ALG8: variants seen among roughly 807,000 people sequenced by gnomAD.
ALG8 encodes dolichyl pyrophosphate Glc1Man9GlcNAc2 alpha-1,3-glucosyltransferase.
Under a neutral mutation model 70.2 loss-of-function variants are expected in ALG8, and 48 were observed. That is an observed-to-expected ratio of 0.68 (90% CI 0.54 to 0.87). The LOEUF (loss-of-function observed/expected upper bound fraction) is 0.87, where lower values mean the gene tolerates loss of function less well. ALG8 is among the 40% of genes least tolerant of loss of function. The pLI is 0.00. For missense variants in ALG8, 572 were observed against 608.7 expected, an observed-to-expected ratio of 0.94 and a Z score of 0.64; for synonymous variants, 234 against 229.0, an observed-to-expected ratio of 1.02 and a Z score of -0.20.
At chr11:78,132,976 A>G (rs1861371576) in intron 1 of ALG8, among the ~76,000 whole-genome samples, 1 of 151,552 alleles carries the variant, frequency 6.6e-6, no homozygotes, top group African/African-American at 2.4e-5. Context: ...AGCTGGGACT[A>G]CACGCGCCCA....
rs1165726785 is a variant in ALG8 at position 78,123,935 on chromosome 11, T to C, written c.368+86A>G. 9 of 1,443,034 alleles carry C rather than the reference T, an allele frequency of 6.2e-6. No individual in the cohort carries two copies. The East Asian group carries it at 2.0e-4, about 33-fold the overall frequency. 89.4% of individuals were successfully genotyped at this position (1,443,034 alleles called of 1,614,324 possible). On this transcript the variant is annotated intron_variant, in intron 3 of 12. Transcript: ENST00000299626. ...TTTGCTATCATATAAACTTTGTTCCTCCTAAATTGGGAGTAAGTTAATACT... is the reference window on the plus strand; with the variant it reads ...TTTGCTATCATATAAACTTTGTTCCCCCTAAATTGGGAGTAAGTTAATACT...
At chr11:78,112,815 T>C (rs1487423469) in intron 7 of ALG8, 45 bp from the exon 8 acceptor site, 1 of 1,604,514 alleles carries the variant, frequency 6.2e-7, no homozygotes, top group South Asian at 1.1e-5. Context: ...CATCAATCTT[T>C]TTCAAATTCA....
intron 2 of ALG8, among the ~76,000 whole-genome samples, chr11:78,126,707 C>G (rs1397667812): frequency 6.6e-6 from 1 of 152,060 alleles, no homozygotes; most frequent in Admixed American, 6.6e-5. Flanking sequence ...TAATTCACTC[C>G]AAATCCTCAT....
At chr11:78,115,430 C>A (rs1446225632) in intron 5 of ALG8, among the ~76,000 whole-genome samples, 1 of 150,824 alleles carries the variant, frequency 6.6e-6, no homozygotes, top group Admixed American at 6.6e-5. Flanking sequence ...GTTGCCCAGG[C>A]TGGAGTGCAA....
At chr11:78,113,056 C>T (rs547213870) in intron 7 of ALG8, among the ~76,000 whole-genome samples, 15 of 152,268 alleles carry the variant, frequency 9.9e-5, no homozygotes, top group African/African-American at 3.6e-4. Flanking sequence ...ACACAGACTG[C>T]AGCTTATCCA....
At chr11:78,138,974 C>T in intron 1 of ALG8, 2 of 345,826 alleles carry the variant, frequency 5.8e-6, no homozygotes, top group Non-Finnish European at 1.1e-5. Flanking sequence ...CTTTCCACAT[C>T]ACTTATTCTT....
intron 5 of ALG8, among the ~76,000 whole-genome samples, chr11:78,116,547 G>C (rs144629462): frequency 6.6e-6 from 1 of 151,978 alleles, no homozygotes; most frequent in East Asian, 1.9e-4. Flanking sequence ...GCGAAACCCC[G>C]TCTCTAGTAA....
chr11:78,123,258 G>A (rs564614515), intron 3 of ALG8, among the ~76,000 whole-genome samples: 5 of 143,050 alleles, frequency 3.5e-5, no homozygotes, highest in Admixed American at 1.5e-4. Context: ...AGCCGAGATC[G>A]CGCCACAATA....
chr11:78,112,580 T>G lies in ALG8; in HGVS notation c.898+70A>C, dbSNP rs768507752. ...CAGCCACATTCAAAACACAAAGGTT[T>G]TTCCATTTCTCCATGTGCCTAAGTC... is the stretch of plus-strand genomic sequence containing the variant. On this transcript the variant is annotated intron_variant, in intron 8 of 12. Transcript: ENST00000299626. 3.1e-6 allele frequency: 5 copies of G among 1,600,136 alleles called. No homozygotes were observed. In the South Asian group the frequency reaches 5.5e-5, roughly 18 times the overall value.
intron 1 of ALG8, among the ~76,000 whole-genome samples, chr11:78,129,530 T>C (rs1861216818): frequency 6.6e-6 from 1 of 152,316 alleles, no homozygotes; most frequent in African/African-American, 2.4e-5. Context: ...TTTCACACAA[T>C]GGAATACTGT....
chr11:78,107,159 T>G (rs975666994), intron 9 of ALG8, among the ~76,000 whole-genome samples: 5 of 148,064 alleles, frequency 3.4e-5, no homozygotes, highest in Non-Finnish European at 7.4e-5. Context: ...GATGTGTATA[T>G]ATATATTTTT....
intron 10 of ALG8, among the ~76,000 whole-genome samples, chr11:78,106,200 T>C (rs1860023069): frequency 6.6e-6 from 1 of 152,156 alleles, no homozygotes; most frequent in South Asian, 2.1e-4. Context: ...CCAAGTTTTT[T>C]CTTTTTTTCA....
chr11:78,123,630 C>T (rs889200140), intron 3 of ALG8, among the ~76,000 whole-genome samples: 9 of 152,254 alleles, frequency 5.9e-5, no homozygotes, highest in African/African-American at 2.2e-4. Flanking sequence ...TACGTGTGCG[C>T]TACTGTGCAT....
intron 8 of ALG8, among the ~76,000 whole-genome samples, chr11:78,111,964 G>A (rs1331055687): frequency 7.9e-5 from 12 of 151,990 alleles, no homozygotes; most frequent in Non-Finnish European, 4.4e-5. Context: ...CTTCTTTCTT[G>A]TATGTTTAGG....
intron 5 of ALG8, among the ~76,000 whole-genome samples, chr11:78,115,437 G>A (rs189130501): frequency 8.2e-4 from 121 of 147,490 alleles, no homozygotes; most frequent in African/African-American, 3.2e-3. Flanking sequence ...AGGCTGGAGT[G>A]CAATGGCACG....
At position 78,119,252 on chromosome 11, in the gene ALG8, G is replaced by C. The variant is rs753257659; in HGVS notation, c.479-3C>G. The C allele has an allele frequency of 1.9e-6, 3 of 1,608,128 alleles. No homozygotes were observed. In the Admixed American group the frequency reaches 5.0e-5, roughly 27 times the overall value. ...GCCATTGTACTGAAAATGAATATCT[G>C]GACTTAGGTCAAGGAAAGACAACAG... On this transcript the variant is annotated splice_region_variant and splice_polypyrimidine_tract_variant and intron_variant, in intron 4 of 12. Transcript: ENST00000299626.
intron 1 of ALG8, chr11:78,133,295 A>C (rs1203262668): frequency 6.6e-6 from 1 of 152,212 alleles, no homozygotes; most frequent in East Asian, 1.9e-4. Flanking sequence ...CCTGGTACAT[A>C]ATAAAGCAAT....
chr11:78,128,076 C>G (rs761543993), intron 1 of ALG8, among the ~76,000 whole-genome samples: 1 of 152,194 alleles, frequency 6.6e-6, no homozygotes, highest in Non-Finnish European at 1.5e-5. Context: ...ACAAACAATT[C>G]TAACAAAATT....
At chr11:78,126,433 G>A (rs370731847) in intron 2 of ALG8, among the ~76,000 whole-genome samples, 2 of 151,028 alleles carry the variant, frequency 1.3e-5, no homozygotes, top group Non-Finnish European at 2.9e-5. Flanking sequence ...TTGGGAGGCC[G>A]AGGCAGGAGA....
Sources: gnomAD v4.1 joint callset for allele counts (sites outside exome capture counted in the v4.1 genomes callset) on GRCh38, gnomAD v4.1.1 for gene constraint, MANE v1.5 for transcripts, NCBI Gene and HGNC (gene_info 2026-07-23, HGNC 2026-07-21) for gene names.